LPP: variants seen among roughly 807,000 people sequenced by gnomAD.
LPP encodes the protein LIM domain containing preferred translocation partner in lipoma, also known as lipoma-preferred partner.
A neutral mutation model predicts 60.4 loss-of-function variants in LPP; 38 were observed. That is an observed-to-expected ratio of 0.63 (90% CI 0.49 to 0.83). LPP has a LOEUF of 0.83. LPP is among the 40% of genes least tolerant of loss of function. LPP has a pLI of 0.00. For missense variants in LPP, 902 were observed against 783.6 expected (o/e 1.15, Z -1.80); for synonymous variants, 328 against 290.8 (o/e 1.13, Z -1.30).
At chr3:188,774,791 T>C (rs1481794426) in intron 9 of LPP, among the ~76,000 whole-genome samples, 3 of 152,154 alleles carry the variant, frequency 2.0e-5, no homozygotes, top group Non-Finnish European at 4.4e-5. Flanking sequence ...GTGTCTTTTC[T>C]TATAAGGTCA....
intron 9 of LPP, among the ~76,000 whole-genome samples, chr3:188,817,594 T>G (rs765514389): frequency 6.6e-5 from 10 of 152,158 alleles, no homozygotes; most frequent in Non-Finnish European, 1.2e-4. Flanking sequence ...TTCTTACATT[T>G]GACAAGCATT....
In LPP at chr3:188,790,878, C is replaced by T. The variant is rs565443620; in HGVS notation, c.1410+30596C>T. Among the ~76,000 whole-genome samples the T allele has an allele frequency of 9.3e-5, 14 of 150,934 alleles. No homozygotes were observed. In the South Asian group the frequency reaches 2.7e-3, roughly 29 times the overall value. The stretch of plus-strand genomic sequence containing the variant: ...ATTCAGCTTTTCTTATTCTAGGTAG[C>T]GATGGTGCTTTTCACTGCTTTGCCC... On this transcript the variant is annotated intron_variant, in intron 9 of 11. Coordinates refer to ENST00000617246, the MANE Select transcript of LPP (RefSeq NM_001375462.1).
chr3:188,169,419 C>T (rs1720921156), intron 1 of LPP, among the ~76,000 whole-genome samples: 1 of 152,166 alleles, frequency 6.6e-6, no homozygotes, highest in Non-Finnish European at 1.5e-5. Context: ...GGACACAGAC[C>T]AGTGTGAAAG....
Position 188,409,074 on chromosome 3 carries a change from C to T in LPP, c.193+2761C>T, listed in dbSNP as rs147785062. 1.2e-3 allele frequency among the ~76,000 whole-genome samples: 182 copies of T among 152,258 alleles called. 1 individual carries two copies. Among genetic ancestry groups the T allele is most frequent in the Admixed American group, 9.3e-3 (142 of 15,284 alleles). Reference sequence around the variant, plus strand: ...TGGTTGCATATGGTCAAATGTATGTCTGTGTGTTCTTATGTATGCATATAT... The same window carrying T: ...TGGTTGCATATGGTCAAATGTATGTTTGTGTGTTCTTATGTATGCATATAT... On this transcript the variant is annotated intron_variant, in intron 4 of 11. Coordinates refer to ENST00000617246, the MANE Select transcript of LPP (RefSeq NM_001375462.1).
In LPP at chr3:188,592,557, G is replaced by GTTGTTTGTTTTTTTTTTTTTTTT. The variant is rs1553936334; in HGVS notation, c.430-16602_430-16601insGTTTGTTTTTTTTTTTTTTTTTT. Among the ~76,000 whole-genome samples, 83 of 85,742 alleles carry GTTGTTTGTTTTTTTTTTTTTTTT rather than the reference G, an allele frequency of 9.7e-4. 4 individuals carry two copies. Among genetic ancestry groups the GTTGTTTGTTTTTTTTTTTTTTTT allele is most frequent in the East Asian group, 5.3e-3 (11 of 2,084 alleles). 56.3% of individuals were successfully genotyped at this position (85,742 alleles called of 152,430 possible). On this transcript the variant is annotated intron_variant, in intron 6 of 11. Coordinates refer to ENST00000617246, the MANE Select transcript of LPP (RefSeq NM_001375462.1). ...TATCACTGTTTTTAGTTTTGTTTTT[G>GTTGTTTGTTTTTTTTTTTTTTTT]TTTTTTAAATGGAGTCTCACTCTTT...
chr3:188,179,279 G>A (rs1724167425), intron 1 of LPP: 1 of 458,208 alleles, frequency 2.2e-6, no homozygotes, highest in Non-Finnish European at 4.4e-6. Context: ...TCGCAGCGGA[G>A]CTTCTTTATC....
intron 8 of LPP, among the ~76,000 whole-genome samples, chr3:188,744,017 T>G (rs1725307867): frequency 6.6e-6 from 1 of 152,146 alleles, no homozygotes; most frequent in Admixed American, 6.6e-5. Context: ...ACTTGCTTTA[T>G]CACACTTTCT....
intron 7 of LPP, among the ~76,000 whole-genome samples, chr3:188,640,031 G>T (rs1467168454): frequency 3.3e-5 from 5 of 151,976 alleles, no homozygotes; most frequent in South Asian, 2.1e-4. Flanking sequence ...TATACCCAAA[G>T]GACTACAAAT....
At chr3:188,822,036 G>A (rs1263370016) in intron 9 of LPP, among the ~76,000 whole-genome samples, 2 of 152,124 alleles carry the variant, frequency 1.3e-5, no homozygotes, top group African/African-American at 2.4e-5. Flanking sequence ...TCTAGAATAC[G>A]AAGGAATGGC....
chr3:188,630,607 C>T (rs1606843), intron 7 of LPP, among the ~76,000 whole-genome samples: 2,632 of 152,216 alleles, frequency 0.017, 38 homozygotes, highest in South Asian at 0.056. Context: ...CTAGCAATCC[C>T]ATTACTGGGT....
intron 1 of LPP, among the ~76,000 whole-genome samples, chr3:188,214,911 T>A (rs1467413423): frequency 3.3e-5 from 5 of 152,216 alleles, no homozygotes; most frequent in Admixed American, 2.0e-4. Flanking sequence ...CCTAAATTAT[T>A]GTGGCACTAT....
At chr3:188,827,117 T>G (rs1347290454) in intron 9 of LPP, among the ~76,000 whole-genome samples, 2 of 152,156 alleles carry the variant, frequency 1.3e-5, no homozygotes, top group African/African-American at 4.8e-5. Context: ...AATGGATTAT[T>G]AGAGCTGGCA....
At chr3:188,758,713 A>G (rs1258671523) in intron 8 of LPP, 2 of 152,208 alleles carry the variant, frequency 1.3e-5, no homozygotes, top group Admixed American at 6.5e-5. Context: ...AAGTCTCTCC[A>G]TAATGCTCCC....
chr3:188,192,317 A>T lies in LPP; in HGVS notation c.-189-33088A>T, dbSNP rs539890131. Among the ~76,000 whole-genome samples the T allele has an allele frequency of 1.1e-4, 16 of 152,336 alleles. No individual in the cohort carries two copies. In the East Asian group the frequency reaches 3.1e-3, roughly 29 times the overall value. ...GGGCAAGAACACCAGTGTGTGAAAC[A>T]GCACAGGACTTGACTGGACAGTTGA... is the stretch of plus-strand genomic sequence containing the variant. On this transcript the variant is annotated intron_variant, in intron 1 of 11. Coordinates refer to ENST00000617246, the MANE Select transcript of LPP (RefSeq NM_001375462.1).
intron 3 of LPP, among the ~76,000 whole-genome samples, chr3:188,344,597 C>A (rs1458234452): frequency 1.3e-5 from 2 of 152,080 alleles, no homozygotes; most frequent in African/African-American, 4.8e-5. Flanking sequence ...CTAGCTAGTC[C>A]CTTCTCTCTC....
At chr3:188,873,898 C>A (rs1437518810) in intron 11 of LPP, among the ~76,000 whole-genome samples, 1 of 152,164 alleles carries the variant, frequency 6.6e-6, no homozygotes, top group Non-Finnish European at 1.5e-5. Flanking sequence ...TCTACCTTTG[C>A]TCTAGGCCAG....
intron 2 of LPP, among the ~76,000 whole-genome samples, chr3:188,338,548 G>A (rs1333816650): frequency 6.6e-6 from 1 of 152,170 alleles, no homozygotes; most frequent in Non-Finnish European, 1.5e-5. Context: ...AACACAGAAT[G>A]TGTATTTTAT....
intron 9 of LPP, among the ~76,000 whole-genome samples, chr3:188,778,990 G>A (rs1320009011): frequency 2.6e-5 from 4 of 152,106 alleles, no homozygotes; most frequent in Non-Finnish European, 5.9e-5. Flanking sequence ...TTGAATTTGA[G>A]AGTAATTTAT....
intron 7 of LPP, among the ~76,000 whole-genome samples, chr3:188,651,516 C>T (rs558663311): frequency 3.9e-5 from 6 of 152,252 alleles, no homozygotes; most frequent in Non-Finnish European, 5.9e-5. Flanking sequence ...TATATTAGTC[C>T]GTTTTCACGC....
Sources: gnomAD v4.1 joint callset for allele counts (sites outside exome capture counted in the v4.1 genomes callset) on GRCh38, gnomAD v4.1.1 for gene constraint, MANE v1.5 for transcripts, NCBI Gene and HGNC (gene_info 2026-07-23, HGNC 2026-07-21) for gene names.